Variants in CSGALNACT1 observed in about 807,000 individuals in gnomAD.
CSGALNACT1 encodes chondroitin sulfate N-acetylgalactosaminyltransferase 1.
CSGALNACT1 carries 52 observed loss-of-function variants against 51.0 expected under a neutral mutation model. The ratio of observed to expected loss-of-function variants is 1.02; its 90% CI spans 0.82 to 1.29. The LOEUF (loss-of-function observed/expected upper bound fraction) is 1.29, where lower values mean the gene tolerates loss of function less well. Among genes scored for constraint, CSGALNACT1 ranks in the 50% most tolerant of loss-of-function variants. CSGALNACT1 has a pLI of 0.00. For missense variants in CSGALNACT1, 935 were observed against 679.2 expected (o/e 1.38, Z -4.19); for synonymous variants, 341 against 254.4 (o/e 1.34, Z -3.24).
At chr8:19,624,502 G>A (rs2054206470) in intron 1 of CSGALNACT1, among the ~76,000 whole-genome samples, 1 of 152,084 alleles carries the variant, frequency 6.6e-6, no homozygotes, top group Admixed American at 6.5e-5. Context: ...ATTAATTGGA[G>A]TAATTAACAC....
intron 1 of CSGALNACT1, among the ~76,000 whole-genome samples, chr8:19,678,048 A>G (rs539613574): frequency 6.6e-6 from 1 of 152,176 alleles, no homozygotes; most frequent in East Asian, 1.9e-4. Context: ...TGGAAGCTGC[A>G]GTGAGCAGAA....
intron 6 of CSGALNACT1, among the ~76,000 whole-genome samples, chr8:19,438,586 G>C (rs1028900911): frequency 4.6e-5 from 7 of 152,212 alleles, no homozygotes; most frequent in Non-Finnish European, 1.0e-4. Context: ...GGCACAATTT[G>C]TCTGTAAAGA....
intron 6 of CSGALNACT1, among the ~76,000 whole-genome samples, chr8:19,433,583 T>C (rs546193309): frequency 2.6e-4 from 39 of 152,348 alleles, no homozygotes; most frequent in African/African-American, 8.9e-4. Flanking sequence ...GAAAATACTT[T>C]CTGCATTGGA....
At chr8:19,541,734 T>C (rs2085216416) in intron 3 of CSGALNACT1, among the ~76,000 whole-genome samples, 1 of 151,882 alleles carries the variant, frequency 6.6e-6, no homozygotes, top group Non-Finnish European at 1.5e-5. Flanking sequence ...TAATTTTTAC[T>C]ATTGTTAGTT....
intron 1 of CSGALNACT1, among the ~76,000 whole-genome samples, chr8:19,735,311 T>C (rs2063911345): frequency 6.6e-6 from 1 of 152,158 alleles, no homozygotes; most frequent in African/African-American, 2.4e-5. Context: ...ATCAAAGATT[T>C]CATTTTGAAA....
intron 1 of CSGALNACT1, among the ~76,000 whole-genome samples, chr8:19,635,938 C>T (rs1366024097): frequency 6.6e-6 from 1 of 152,188 alleles, no homozygotes; most frequent in East Asian, 1.9e-4. Flanking sequence ...CCATGTTGGC[C>T]AGGCTGGTCT....
intron 1 of CSGALNACT1, among the ~76,000 whole-genome samples, chr8:19,709,389 C>A (rs2062368841): frequency 6.6e-6 from 1 of 152,146 alleles, no homozygotes; most frequent in African/African-American, 2.4e-5. Context: ...GAGGAAGAGA[C>A]AATAGAAAGC....
chr8:19,569,908 A>G (rs2042646692), intron 3 of CSGALNACT1, among the ~76,000 whole-genome samples: 2 of 152,204 alleles, frequency 1.3e-5, no homozygotes, highest in Non-Finnish European at 2.9e-5. Context: ...AGCCATACAG[A>G]TCAATCTCAG....
chr8:19,666,094 G>A lies in CSGALNACT1; in HGVS notation c.-544+16379C>T, dbSNP rs141500755. 2.7e-3 allele frequency among the ~76,000 whole-genome samples: 405 copies of A among 152,230 alleles called. 4 individuals are homozygous for A. Among genetic ancestry groups the A allele is most frequent in the African/African-American group, 9.3e-3 (388 of 41,538 alleles). On this transcript the variant is annotated intron_variant, in intron 1 of 9. Transcript: ENST00000332246. ...AGTTGTTTGTCTAGTTTAAATCCAG[G>A]CAGACTTCAAGATTTTTCCCTTTGT...
chr8:19,670,943 G>A (rs1271199654), intron 1 of CSGALNACT1, among the ~76,000 whole-genome samples: 1 of 152,132 alleles, frequency 6.6e-6, no homozygotes, highest in African/African-American at 2.4e-5. Flanking sequence ...CTTAAGGGAG[G>A]ACAAGGCCAG....
At chr8:19,497,235 G>A (rs1165439045) in intron 4 of CSGALNACT1, among the ~76,000 whole-genome samples, 2 of 152,180 alleles carry the variant, frequency 1.3e-5, no homozygotes, top group Admixed American at 1.3e-4. Flanking sequence ...ACAAGAAACA[G>A]CAGAATATTG....
intron 1 of CSGALNACT1, among the ~76,000 whole-genome samples, chr8:19,611,123 A>T (rs2052198072): frequency 1.3e-5 from 2 of 152,342 alleles, no homozygotes; most frequent in South Asian, 4.1e-4. Flanking sequence ...AGTAATTAAG[A>T]CACCTGTTGC....
exon 10 of CSGALNACT1, chr8:19,404,667 G>A (rs1021651922): frequency 1.1e-5 from 5 of 453,416 alleles, no homozygotes; most frequent in African/African-American, 2.0e-5. Context: ...GCCAGGAGGA[G>A]CACCCTGTTT....
chr8:19,456,405 T>G (rs148672983), intron 5 of CSGALNACT1, among the ~76,000 whole-genome samples: 149 of 152,306 alleles, frequency 9.8e-4, no homozygotes, highest in Middle Eastern at 6.8e-3. Flanking sequence ...CTTTGCCAAA[T>G]GAACTTGCGA....
intron 6 of CSGALNACT1, among the ~76,000 whole-genome samples, chr8:19,425,131 T>G (rs1481377068): frequency 6.6e-6 from 1 of 152,208 alleles, no homozygotes; most frequent in East Asian, 1.9e-4. Flanking sequence ...TCACTTGAGG[T>G]CAGGAGTTCG....
chr8:19,585,951 C>A (rs1031000988), intron 3 of CSGALNACT1, among the ~76,000 whole-genome samples: 1 of 152,184 alleles, frequency 6.6e-6, no homozygotes, highest in Admixed American at 6.5e-5. Context: ...GATGCCCAGG[C>A]TGGGAACAGC....
intron 3 of CSGALNACT1, among the ~76,000 whole-genome samples, chr8:19,514,715 C>A (rs952733139): frequency 6.7e-6 from 1 of 149,458 alleles, no homozygotes; most frequent in Non-Finnish European, 1.5e-5. Flanking sequence ...TGCCTGTAGT[C>A]CCAGCTGCTT....
chr8:19,612,398 T>C lies in CSGALNACT1; in HGVS notation c.-543-10533A>G, dbSNP rs10105670. Reference sequence around the variant, plus strand: ...CTCCATGAACGTAATACATTTCAGATACACAGTGTTCTTCATCCCCTCAAA... The same window carrying C: ...CTCCATGAACGTAATACATTTCAGACACACAGTGTTCTTCATCCCCTCAAA... On this transcript the variant is annotated intron_variant, in intron 1 of 9. Coordinates refer to the CSGALNACT1 transcript ENST00000332246. Among the ~76,000 whole-genome samples, 883 of 151,606 alleles carry C rather than the reference T, an allele frequency of 5.8e-3. 11 individuals carry two copies. The highest frequency in any genetic ancestry group is 0.02 in the African/African-American group (836 of 41,308).
At chr8:19,697,376 G>A (rs1385903620) in intron 1 of CSGALNACT1, among the ~76,000 whole-genome samples, 1 of 152,096 alleles carries the variant, frequency 6.6e-6, no homozygotes, top group Admixed American at 6.5e-5. Flanking sequence ...GATGAACAGT[G>A]GGGTTGATCA....
Sources: gnomAD v4.1 joint callset for allele counts (sites outside exome capture counted in the v4.1 genomes callset) on GRCh38, gnomAD v4.1.1 for gene constraint, MANE v1.5 for transcripts, NCBI Gene and HGNC (gene_info 2026-07-23, HGNC 2026-07-21) for gene names.